CCDC88C: variants seen among roughly 807,000 people sequenced by gnomAD.
The protein encoded by CCDC88C is coiled-coil and HOOK domain protein 88C.
A neutral mutation model predicts 198.8 loss-of-function variants in CCDC88C; 131 were observed. The ratio of observed to expected loss-of-function variants is 0.66; its 90% CI spans 0.57 to 0.76. The LOEUF (loss-of-function observed/expected upper bound fraction) is 0.76. Ranked by LOEUF, CCDC88C falls within the 30% of genes least tolerant of loss-of-function variation. The pLI is 0.00. For synonymous variants in CCDC88C, 1,166 were observed against 1,114.7 expected, an observed-to-expected ratio of 1.05 and a Z score of -0.92; for missense variants, 2,553 against 2,631.6, an observed-to-expected ratio of 0.97 and a Z score of 0.65.
At chr14:91,312,470 G>A (rs1237026924) in intron 15 of CCDC88C, among the ~76,000 whole-genome samples, 3 of 152,130 alleles carry the variant, frequency 2.0e-5, no homozygotes, top group Non-Finnish European at 4.4e-5. Flanking sequence ...GTCACCTGAG[G>A]TCAGGCGTTC....
intron 3 of CCDC88C, among the ~76,000 whole-genome samples, chr14:91,363,804 C>T (rs1379273518): frequency 1.3e-5 from 2 of 152,282 alleles, no homozygotes; most frequent in South Asian, 2.1e-4. Flanking sequence ...CCTTTGCCCT[C>T]CCCCGCGGGG....
chr14:91,379,498 T>C (rs1884653409), intron 3 of CCDC88C: 3 of 356,914 alleles, frequency 8.4e-6, no homozygotes, highest in Non-Finnish European at 1.6e-5. Flanking sequence ...AGCTAGGAAC[T>C]GGGCCCACAC....
chr14:91,413,277 G>A (rs1157353779), intron 2 of CCDC88C, among the ~76,000 whole-genome samples: 3 of 152,110 alleles, frequency 2.0e-5, no homozygotes, highest in African/African-American at 7.2e-5. Context: ...CATATGTTAG[G>A]CTTGTTCTAT....
chr14:91,276,129 G>A (rs942812277), intron 29 of CCDC88C, among the ~76,000 whole-genome samples: 1 of 152,168 alleles, frequency 6.6e-6, no homozygotes, highest in Non-Finnish European at 1.5e-5. Flanking sequence ...CAGACCAGTG[G>A]TTCTTAAACC....
At position 91,295,505 on chromosome 14, in the gene CCDC88C, C is replaced by CG. The variant is rs936078462; in HGVS notation, c.3967-1188dup. ...GCCCAACAGAAAGACCCTGTGTGGC[C>CG]GGGGGGGCCCCAGGGAACCAAGCCG... On this transcript the variant is annotated intron_variant, in intron 22 of 29. Coordinates refer to ENST00000389857, the MANE Select transcript of CCDC88C (RefSeq NM_001080414.4). 1.3e-4 allele frequency among the ~76,000 whole-genome samples: 20 copies of CG among 152,186 alleles called. No homozygotes were observed. In the East Asian group the frequency reaches 1.5e-3, roughly 12 times the overall value.
chr14:91,303,670 C>T (rs1891429464), intron 20 of CCDC88C, 31 bp downstream of exon 20: 1 of 1,534,160 alleles, frequency 6.5e-7, no homozygotes, highest in Non-Finnish European at 8.8e-7. Flanking sequence ...CTCTACCCCT[C>T]CCCAGATCCC....
Position 91,339,880 on chromosome 14 carries a change from G to A in CCDC88C, c.624+4C>T, listed in dbSNP as rs1444053683. 2 of 1,577,858 alleles carry A rather than the reference G, an allele frequency of 1.3e-6. No homozygotes were observed. Among genetic ancestry groups the A allele is most frequent in the Middle Eastern group, 1.9e-4 (1 of 5,134 alleles). ...CTGACCGGGCCACCGACCCGCGGAC[G>A]CACCTCGGTGCACTCGTCCCGCTGG... On this transcript the variant is annotated splice_donor_region_variant and intron_variant, in intron 7 of 29. Coordinates refer to ENST00000389857, the MANE Select transcript of CCDC88C (RefSeq NM_001080414.4). The surrounding 1 kb of genome is among the most constrained non-coding windows in gnomAD (Gnocchi z 5.8).
At chr14:91,307,309 GC>G in intron 17 of CCDC88C, 83 bp from the exon 18 acceptor site, 1 of 1,204,700 alleles carries the variant, frequency 8.3e-7, no homozygotes, top group South Asian at 1.2e-5. Flanking sequence ...AGGGCAACCT[GC>G]ACCACACCCT....
intron 3 of CCDC88C, among the ~76,000 whole-genome samples, chr14:91,377,402 A>C (rs1284464177): frequency 6.6e-6 from 1 of 152,118 alleles, no homozygotes; most frequent in East Asian, 1.9e-4. Flanking sequence ...TGAGGTCGGC[A>C]GGCGCGGTTA....
intron 10 of CCDC88C, among the ~76,000 whole-genome samples, chr14:91,329,415 C>T (rs570961745): frequency 1.4e-4 from 22 of 152,228 alleles, no homozygotes; most frequent in Non-Finnish European, 2.5e-4. Context: ...TCAGCCCTAA[C>T]GTGAGCTGCT....
chr14:91,319,114 C>T (rs1270298188), intron 13 of CCDC88C, among the ~76,000 whole-genome samples: 49 of 152,170 alleles, frequency 3.2e-4, no homozygotes, highest in Admixed American at 3.2e-3. Context: ...CTCTGGCCTC[C>T]TCCCTCGACT....
rs1176829278 is a variant in CCDC88C, at chr14:91,394,857, C to T, written c.270+13802G>A. Among the ~76,000 whole-genome samples, 7 of 152,296 alleles carry T rather than the reference C, an allele frequency of 4.6e-5. No individual in the cohort carries two copies. In the South Asian group the frequency reaches 6.2e-4, roughly 14 times the overall value. ...CCAAATGAATCAGAGCGCATTACTCCGGGAGGGGTCCTTGGATAATCCGCT... is the reference window on the plus strand; with the variant it reads ...CCAAATGAATCAGAGCGCATTACTCTGGGAGGGGTCCTTGGATAATCCGCT... On this transcript the variant is annotated intron_variant, in intron 3 of 29. Coordinates refer to ENST00000389857, the MANE Select transcript of CCDC88C (RefSeq NM_001080414.4).
chr14:91,410,977 C>CAGCAT (rs1886759918), intron 2 of CCDC88C, among the ~76,000 whole-genome samples: 1 of 152,198 alleles, frequency 6.6e-6, no homozygotes, highest in African/African-American at 2.4e-5. Context: ...CCTCACATCA[C>CAGCAT]AGCATAGAAG....
chr14:91,285,312 C>T (rs1890355584), intron 25 of CCDC88C: 1 of 370,244 alleles, frequency 2.7e-6, no homozygotes. Context: ...GCAGCAACCA[C>T]CCGCCAGTGC....
Position 91,313,933 on chromosome 14 carries a change from TC to T in CCDC88C, c.1882del (p.Glu628SerfsTer24). The stretch of plus-strand genomic sequence containing the variant: ...CTCCCTCTCCAGCTTCTCTGCCCGC[TC>T]CCCCTTCTCCTTGGCCTGCTCCAAG... ...RDLEQAKEKGERAEKLERELQ... is the reference protein window; with the variant it reads ...RDLEQAKEKGXRAEKLERELQ... On this transcript the variant is annotated frameshift_variant, in exon 15 of 30. Coordinates refer to ENST00000389857, the MANE Select transcript of CCDC88C (RefSeq NM_001080414.4). LOFTEE classifies it high-confidence loss of function. The surrounding 1 kb of genome is among the most constrained non-coding windows in gnomAD (Gnocchi z 5.2). The T allele has an allele frequency of 6.2e-7, 1 of 1,612,344 alleles. No individual in the cohort carries two copies.
chr14:91,409,771 C>T (rs374796991), intron 2 of CCDC88C, among the ~76,000 whole-genome samples: 27 of 152,194 alleles, frequency 1.8e-4, no homozygotes, highest in African/African-American at 6.3e-4. Flanking sequence ...CAGGTGTGAG[C>T]CACTGTGCCA....
chr14:91,356,126 G>C (rs185335387), intron 4 of CCDC88C, among the ~76,000 whole-genome samples: 1 of 152,268 alleles, frequency 6.6e-6, no homozygotes, highest in Admixed American at 6.5e-5. Flanking sequence ...AACGAAAAGA[G>C]CTTCACACAT....
rs772324109 is a variant in CCDC88C, at chr14:91,281,445, C to T, written c.4699+12G>A. ...AACCCAGGCTGGAGGACACAGCACC[C>T]TCCCTACTCACCGTACTGCCTGTGG... On this transcript the variant is annotated intron_variant, in intron 27 of 29. Coordinates refer to ENST00000389857, the MANE Select transcript of CCDC88C (RefSeq NM_001080414.4). The T allele has an allele frequency of 3.1e-6, 5 of 1,613,790 alleles. No individual in the cohort carries two copies. The Admixed American group carries it at 6.7e-5, about 22-fold the overall frequency.
chr14:91,355,995 A>G (rs1284241877), intron 4 of CCDC88C, among the ~76,000 whole-genome samples: 1 of 152,118 alleles, frequency 6.6e-6, no homozygotes, highest in Non-Finnish European at 1.5e-5. Flanking sequence ...CATCAAAAAG[A>G]GTACAAAGCA....
Sources: allele counts gnomAD v4.1 joint callset (sites outside exome capture counted in the v4.1 genomes callset), GRCh38; gene constraint gnomAD v4.1.1; non-coding constraint Gnocchi (gnomAD v3.1); transcripts MANE v1.5; gene names NCBI Gene and HGNC (gene_info 2026-07-23, HGNC 2026-07-21).